The following RBFOX1 variants were observed in gnomAD, a reference collection of about 807,000 sequenced individuals.
RBFOX1 encodes the protein RNA binding fox-1 homolog 1, also known as RNA binding protein fox-1 homolog 1.
A neutral mutation model predicts 57.7 loss-of-function variants in RBFOX1; 8 were observed. The ratio of observed to expected loss-of-function variants is 0.14; its 90% confidence interval spans 0.08 to 0.25. The LOEUF is 0.25. RBFOX1 is among the 10% of genes least tolerant of loss of function. RBFOX1 has a pLI of 1.00. For missense variants in RBFOX1, 611 were observed against 548.5 expected (o/e 1.11, Z -1.14); for synonymous variants, 326 against 222.4 (o/e 1.47, Z -4.15).
At chr16:7,451,233 A>T (rs933127561) in intron 4 of RBFOX1, among the ~76,000 whole-genome samples, 8 of 152,252 alleles carry the variant, frequency 5.3e-5, no homozygotes, top group African/African-American at 1.9e-4. Flanking sequence ...ATATAATCAT[A>T]TAATATTGAA....
chr16:7,147,216 G>A (rs775801616), intron 4 of RBFOX1, among the ~76,000 whole-genome samples: 2 of 150,362 alleles, frequency 1.3e-5, no homozygotes, highest in Non-Finnish European at 3.0e-5. Flanking sequence ...TGTTGGCCAG[G>A]CTGGTCAGGA....
intron 3 of RBFOX1, among the ~76,000 whole-genome samples, chr16:5,835,323 G>A (rs138490690): frequency 2.6e-5 from 4 of 152,212 alleles, no homozygotes; most frequent in East Asian, 1.9e-4. Flanking sequence ...GGCAGGGCAC[G>A]TAGACAACTA....
At chr16:6,972,292 T>C (rs907335170) in intron 3 of RBFOX1, among the ~76,000 whole-genome samples, 1 of 152,120 alleles carries the variant, frequency 6.6e-6, no homozygotes, top group African/African-American at 2.4e-5. Flanking sequence ...ATTCTACTTT[T>C]TGTCTCTATG....
At position 7,519,813 on chromosome 16, in the gene RBFOX1, A is replaced by G. The variant is rs1045229910; in HGVS notation, c.270+1424A>G. On this transcript the variant is annotated intron_variant, in intron 5 of 15. Transcript: ENST00000550418. ...AAGCATGATACATTTCCTGTGATAA[A>G]AGAAAACACTGACTAACTTTGCTAC... 3.9e-6 allele frequency: 3 copies of G among 761,614 alleles called. No homozygotes were observed. In the African/African-American group the frequency reaches 5.7e-5, roughly 14 times the overall value. The allele number at this position is 761,614 out of a possible 1,614,324, so 47.2% of individuals were successfully genotyped here.
At chr16:5,889,348 G>T (rs4786066) in intron 4 of RBFOX1, among the ~76,000 whole-genome samples, 102,447 of 152,054 alleles carry the variant, frequency 0.67, 34,750 homozygotes, top group African/African-American at 0.71. Flanking sequence ...TGTGTTAGTT[G>T]GCTGAGGATA....
At chr16:5,633,778 G>A (rs2048596111) in intron 3 of RBFOX1, among the ~76,000 whole-genome samples, 1 of 151,810 alleles carries the variant, frequency 6.6e-6, no homozygotes, top group African/African-American at 2.4e-5. Context: ...GGAGGCTGAG[G>A]CAGGAGAATG....
intron 2 of RBFOX1, among the ~76,000 whole-genome samples, chr16:6,524,171 T>C (rs748307319): frequency 2.0e-5 from 3 of 152,294 alleles, no homozygotes; most frequent in Admixed American, 6.5e-5. Context: ...CTGGTAACCA[T>C]CCCTGTACTC....
rs183849130 is a variant in RBFOX1, at chr16:6,587,192, C to A, written c.-63-67411C>A. Among the ~76,000 whole-genome samples, 193 of 152,222 alleles carry A rather than the reference C, an allele frequency of 1.3e-3. 1 individual carries two copies. Among genetic ancestry groups the A allele is most frequent in the South Asian group, 4.2e-3 (20 of 4,814 alleles). On this transcript the variant is annotated intron_variant, in intron 2 of 15. Transcript: ENST00000550418. ...AATGTCTCCCCAGCTCCCCTCTCTC[C>A]GCACTGGTAACCACCATTCTGTTCT... is the stretch of plus-strand genomic sequence containing the variant.
intron 4 of RBFOX1, among the ~76,000 whole-genome samples, chr16:7,450,462 T>C (rs2098843261): frequency 6.7e-6 from 1 of 149,712 alleles, no homozygotes; most frequent in Non-Finnish European, 1.5e-5. Context: ...CTGTGGATGA[T>C]AAATTCTATA....
chr16:6,905,003 G>A (rs560733085), intron 3 of RBFOX1, among the ~76,000 whole-genome samples: 37 of 152,240 alleles, frequency 2.4e-4, no homozygotes, highest in African/African-American at 8.7e-4. Flanking sequence ...TGCTGTGCTT[G>A]TTAGCATGGT....
intron 1 of RBFOX1, among the ~76,000 whole-genome samples, chr16:5,439,032 TGG>T (rs5815250): frequency 0.048 from 6,338 of 133,164 alleles, 406 homozygotes; most frequent in African/African-American, 0.15. Flanking sequence ...TAGAGAATAA[TGG>T]GGGGGGGGGC....
In RBFOX1 at chr16:7,077,803, A is replaced by G. The variant is rs117218127; in HGVS notation, c.27+25705A>G. Reference sequence around the variant, plus strand: ...ACTGATACTTAAATGAGGTTTTGATATAAACAAAATGTGCTTCTGAGATGT... The same window carrying G: ...ACTGATACTTAAATGAGGTTTTGATGTAAACAAAATGTGCTTCTGAGATGT... On this transcript the variant is annotated intron_variant, in intron 4 of 15. Coordinates refer to ENST00000550418, the MANE Select transcript of RBFOX1 (RefSeq NM_018723.4). 2.6e-4 allele frequency among the ~76,000 whole-genome samples: 39 copies of G among 152,326 alleles called. 1 individual carries two copies. In the East Asian group the frequency reaches 7.3e-3, roughly 29 times the overall value.
At chr16:7,197,998 CTTTTTTTTTTTT>C (rs945404947) in intron 4 of RBFOX1, among the ~76,000 whole-genome samples, 9 of 55,592 alleles carry the variant, frequency 1.6e-4, no homozygotes, top group African/African-American at 6.6e-4. Context: ...TTCTTTCTTT[CTTTTTTTTTTTT>C]TTTTTTTTTT....
chr16:6,454,411 G>T (rs1261971748), intron 2 of RBFOX1, among the ~76,000 whole-genome samples: 1 of 152,032 alleles, frequency 6.6e-6, no homozygotes, highest in Non-Finnish European at 1.5e-5. Flanking sequence ...ACAAAAATTA[G>T]CTGGGTGTGG....
chr16:5,490,041 C>A (rs1419057508), intron 2 of RBFOX1, among the ~76,000 whole-genome samples: 4 of 152,220 alleles, frequency 2.6e-5, no homozygotes, highest in Non-Finnish European at 5.9e-5. Context: ...CTGTTAGAGG[C>A]CTGTGAGCCA....
chr16:6,960,420 C>G (rs925451517), intron 3 of RBFOX1, among the ~76,000 whole-genome samples: 1 of 152,256 alleles, frequency 6.6e-6, no homozygotes, highest in African/African-American at 2.4e-5. Context: ...CAGGCCTTCT[C>G]CCTGTACCCG....
At chr16:7,039,555 G>A (rs2045536252) in intron 3 of RBFOX1, among the ~76,000 whole-genome samples, 1 of 152,072 alleles carries the variant, frequency 6.6e-6, no homozygotes, top group South Asian at 2.1e-4. Flanking sequence ...CTCCTTTCCT[G>A]AAACCTAAGC....
At chr16:6,364,134 T>C (rs945669243) in intron 2 of RBFOX1, among the ~76,000 whole-genome samples, 10 of 152,196 alleles carry the variant, frequency 6.6e-5, no homozygotes, top group Non-Finnish European at 1.0e-4. Context: ...GTCTGTTCCC[T>C]GCTGTACTGA....
chr16:6,595,435 G>A (rs534799717), intron 2 of RBFOX1, among the ~76,000 whole-genome samples: 3 of 152,202 alleles, frequency 2.0e-5, no homozygotes, highest in South Asian at 2.1e-4. Flanking sequence ...ATAAATATAC[G>A]ACGTTGTGTT....
Sources: gnomAD v4.1 joint callset for allele counts (sites outside exome capture counted in the v4.1 genomes callset) on GRCh38, gnomAD v4.1.1 for gene constraint, MANE v1.5 for transcripts, NCBI Gene and HGNC (gene_info 2026-07-23, HGNC 2026-07-21) for gene names.